VPS13A: variants seen among roughly 807,000 people sequenced by gnomAD.
VPS13A encodes the protein vacuolar protein sorting 13 homolog A.
Under a neutral mutation model 390.9 loss-of-function variants are expected in VPS13A, and 264 were observed. The ratio of observed to expected loss-of-function variants is 0.68; its 90% CI spans 0.61 to 0.75. VPS13A has a LOEUF of 0.75. VPS13A is among the 30% of genes least tolerant of loss of function. VPS13A has a pLI of 0.00. For synonymous variants in VPS13A, 1,231 were observed against 1,227.1 expected (o/e 1.00, Z -0.07); for missense variants, 3,409 against 3,733.9 (o/e 0.91, Z 2.27).
At chr9:77,406,124 A>AACTT in intron 70 of VPS13A, 137 bp downstream of exon 70, 1 of 1,129,358 alleles carries the variant, frequency 8.9e-7, no homozygotes, top group Non-Finnish European at 1.3e-6. Flanking sequence ...TATACCTGCT[A>AACTT]TCTTACCCAG....
At chr9:77,256,391 C>G (rs542063305) in intron 22 of VPS13A, among the ~76,000 whole-genome samples, 2 of 151,956 alleles carry the variant, frequency 1.3e-5, no homozygotes, top group Admixed American at 6.6e-5. Flanking sequence ...CATTTTTTGA[C>G]GCTTGGTTTT....
chr9:77,376,461 C>T (rs1587688088), intron 67 of VPS13A, among the ~76,000 whole-genome samples: 1 of 151,904 alleles, frequency 6.6e-6, no homozygotes, highest in Non-Finnish European at 1.5e-5. Context: ...AATGGTGATT[C>T]GACTATTAGA....
At chr9:77,207,241 A>G (rs1424929842) in intron 5 of VPS13A, among the ~76,000 whole-genome samples, 1 of 110,878 alleles carries the variant, frequency 9.0e-6, no homozygotes, top group South Asian at 2.8e-4. Flanking sequence ...ATATATATAT[A>G]TATATATATA....
intron 23 of VPS13A, among the ~76,000 whole-genome samples, chr9:77,268,983 G>C (rs890562633): frequency 6.6e-6 from 1 of 151,214 alleles, no homozygotes; most frequent in African/African-American, 2.4e-5. Context: ...CATTACTCCT[G>C]AATACTTTAG....
At chr9:77,195,266 G>C (rs1297873236) in intron 1 of VPS13A, among the ~76,000 whole-genome samples, 1 of 152,064 alleles carries the variant, frequency 6.6e-6, no homozygotes, top group South Asian at 2.1e-4. Context: ...TGGTACTGCA[G>C]GTGCCCGCCA....
intron 36 of VPS13A, 91 bp from the exon 37 acceptor site, chr9:77,314,404 G>C: frequency 1.5e-6 from 2 of 1,322,808 alleles, no homozygotes; most frequent in Non-Finnish European, 2.1e-6. Context: ...TTTGTTATAA[G>C]CAGAGGCAAT....
chr9:77,281,213 T>C (rs893097602), intron 27 of VPS13A, among the ~76,000 whole-genome samples: 2 of 152,124 alleles, frequency 1.3e-5, no homozygotes, highest in Non-Finnish European at 2.9e-5. Context: ...AGAATAATTT[T>C]TGAGATCTGT....
At chr9:77,257,901 G>A (rs952968413) in intron 22 of VPS13A, among the ~76,000 whole-genome samples, 6 of 152,034 alleles carry the variant, frequency 3.9e-5, no homozygotes, top group African/African-American at 9.7e-5. Flanking sequence ...ACAAAGAATT[G>A]TAATTATTTC....
At chr9:77,250,507 T>C (rs1346190994) in intron 21 of VPS13A, among the ~76,000 whole-genome samples, 1 of 152,186 alleles carries the variant, frequency 6.6e-6, no homozygotes, top group Admixed American at 6.5e-5. Context: ...CTAAGCATCC[T>C]ACGATGTTCA....
Position 77,418,815 on chromosome 9 carries a change from A to G in VPS13A, c.*2809A>G, listed in dbSNP as rs1294499988. On this transcript the variant is annotated 3_prime_UTR_variant, in exon 72 of 72. Coordinates refer to ENST00000360280, the MANE Select transcript of VPS13A (RefSeq NM_033305.3). ...TAATAGCGGTAATATTGTTCCATTG[A>G]ATATCTATGCACCTAGCTCATCTCT... 6.6e-6 allele frequency: 1 copy of G among 152,176 alleles called. No individual in the cohort carries two copies. The highest frequency in any genetic ancestry group is 2.4e-5 in the African/African-American group (1 of 41,436). The allele number at this position is 152,176 out of a possible 1,614,324, so 9.4% of individuals were successfully genotyped here.
chr9:77,208,393 A>T (rs1825796420), intron 5 of VPS13A, among the ~76,000 whole-genome samples: 1 of 152,192 alleles, frequency 6.6e-6, no homozygotes, highest in Non-Finnish European at 1.5e-5. Context: ...TATTATTTCT[A>T]TATAGGAGTA....
intron 68 of VPS13A, chr9:77,385,082 G>C (rs1459306990): frequency 1.0e-6 from 1 of 990,354 alleles, no homozygotes; most frequent in African/African-American, 1.8e-5. Flanking sequence ...ATGCCACTGT[G>C]TAAAAAAAAA....
chr9:77,387,191 A>G (rs1180649832), intron 68 of VPS13A, among the ~76,000 whole-genome samples: 1 of 151,866 alleles, frequency 6.6e-6, no homozygotes, highest in Non-Finnish European at 1.5e-5. Context: ...CTCTTGATGG[A>G]GATAGAGGAT....
intron 34 of VPS13A, among the ~76,000 whole-genome samples, chr9:77,304,483 G>A (rs914111752): frequency 6.6e-6 from 1 of 152,138 alleles, no homozygotes; most frequent in Non-Finnish European, 1.5e-5. Flanking sequence ...GCATGGTGCT[G>A]TAGTCAATTA....
intron 23 of VPS13A, among the ~76,000 whole-genome samples, chr9:77,268,382 C>T (rs868564367): frequency 6.6e-5 from 10 of 152,130 alleles, no homozygotes; most frequent in South Asian, 2.1e-4. Flanking sequence ...TCCTTCAGGG[C>T]TTCCTTTGGC....
chr9:77,339,735 AT>A lies in VPS13A; in HGVS notation c.6599del (p.Met2200ArgfsTer64). On this transcript the variant is annotated frameshift_variant, in exon 48 of 72. Transcript: ENST00000360280. LOFTEE classifies it high-confidence loss of function. The part of the protein sequence containing the change: ...EKTDLDIAVH[M>X]TYNTGQTVVA... The stretch of plus-strand genomic sequence containing the variant: ...GACTGATTTAGATATTGCTGTCCAT[AT>A]GACTTACAATACTGGTCAGACAGTT... The A allele has an allele frequency of 6.2e-7, 1 of 1,614,094 alleles. No individual in the cohort carries two copies. Among genetic ancestry groups the A allele is most frequent in the Non-Finnish European group, 8.5e-7 (1 of 1,179,988 alleles).
In VPS13A at chr9:77,276,066, T is replaced by C; in HGVS notation, c.2669T>C (p.Val890Ala). 6 of 1,611,832 alleles carry C rather than the reference T, an allele frequency of 3.7e-6. No homozygotes were observed. The highest frequency in any genetic ancestry group is 5.1e-6 in the Non-Finnish European group (6 of 1,179,694). Residue 890 changes from valine (V) to alanine (A), a missense_variant and splice_region_variant, in exon 26 of 72, where the codon GTT (valine) becomes GCT (alanine). Coordinates refer to ENST00000360280, the MANE Select transcript of VPS13A (RefSeq NM_033305.3). Reference sequence around the variant, plus strand: ...ATTTCTTTTTTCTTTCTTCTCCAGGTTTTGATCGAGTTTTATCACCTTGTT... The same window carrying C: ...ATTTCTTTTTTCTTTCTTCTCCAGGCTTTGATCGAGTTTTATCACCTTGTT... ...TFKIRFEVPK[V>A]LIEFYHLVGD...
intron 68 of VPS13A, among the ~76,000 whole-genome samples, chr9:77,399,697 A>C (rs1386344762): frequency 1.3e-5 from 2 of 152,200 alleles, no homozygotes; most frequent in Non-Finnish European, 2.9e-5. Flanking sequence ...AAACTGAAAC[A>C]GAATAAAAGA....
At chr9:77,210,776 G>A in intron 7 of VPS13A, 101 bp downstream of exon 7, 1 of 1,204,490 alleles carries the variant, frequency 8.3e-7, no homozygotes, top group Non-Finnish European at 1.2e-6. Context: ...AGGTGTCTAT[G>A]TAGAACGGGT....
Sources: allele counts gnomAD v4.1 joint callset (sites outside exome capture counted in the v4.1 genomes callset), GRCh38; gene constraint gnomAD v4.1.1; transcripts MANE v1.5; gene names NCBI Gene and HGNC (gene_info 2026-07-23, HGNC 2026-07-21).